The following DNAH6 variants were observed in gnomAD, a reference collection of about 807,000 sequenced individuals.
DNAH6 encodes dynein axonemal heavy chain 6, also known as axonemal beta dynein heavy chain 6.
A neutral mutation model predicts 491.4 loss-of-function variants in DNAH6; 340 were observed. The observed-to-expected ratio is 0.69, with a 90% CI of 0.63 to 0.76. The LOEUF (loss-of-function observed/expected upper bound fraction) is 0.76, where lower values mean the gene tolerates loss of function less well. Among genes scored for constraint, DNAH6 ranks in the 30% least tolerant of loss-of-function variants. DNAH6 has a pLI of 0.00. For synonymous variants in DNAH6, 1,603 were observed against 1,686.1 expected, an observed-to-expected ratio of 0.95 and a Z score of 1.21; for missense variants, 4,443 against 4,972.2, an observed-to-expected ratio of 0.89 and a Z score of 3.20.
intron 68 of DNAH6, among the ~76,000 whole-genome samples, chr2:84,792,037 C>T (rs865816663): frequency 6.6e-6 from 1 of 152,068 alleles, no homozygotes; most frequent in African/African-American, 2.4e-5. Context: ...CAATGGAATA[C>T]TATTTATCCT....
At chr2:84,730,764 C>T (rs934215718) in intron 61 of DNAH6, among the ~76,000 whole-genome samples, 3 of 152,182 alleles carry the variant, frequency 2.0e-5, no homozygotes, top group African/African-American at 7.2e-5. Context: ...TACATGAAAT[C>T]TATTTCCTGG....
intron 52 of DNAH6, 60 bp downstream of exon 52, chr2:84,705,807 A>AAGTTC: frequency 6.7e-7 from 1 of 1,489,586 alleles, no homozygotes; most frequent in Non-Finnish European, 9.0e-7. Flanking sequence ...CAGTCATTTC[A>AAGTTC]AGTTCTCTGT....
intron 70 of DNAH6, among the ~76,000 whole-genome samples, chr2:84,804,330 A>G (rs768901506): frequency 1.3e-5 from 2 of 152,114 alleles, no homozygotes; most frequent in Non-Finnish European, 2.9e-5. Context: ...CACTTAAATT[A>G]TCACAGTCAC....
chr2:84,743,505 G>GTC (rs771993458), intron 62 of DNAH6, among the ~76,000 whole-genome samples: 19 of 152,246 alleles, frequency 1.2e-4, no homozygotes, highest in Admixed American at 5.9e-4. Context: ...AGTGCTTCGT[G>GTC]TCCTATTGGG....
At chr2:84,483,415 T>C in the DNAH6 span, among the ~76,000 whole-genome samples, 40 of 152,308 alleles carry the variant, frequency 2.6e-4, no homozygotes, top group East Asian at 7.5e-3. Context: ...CCAGCCAATA[T>C]TGAGGATAAC....
chr2:84,642,133 T>C (rs572197979), intron 33 of DNAH6, 79 bp downstream of exon 33: 29 of 977,300 alleles, frequency 3.0e-5, no homozygotes, highest in Non-Finnish European at 4.1e-5. Flanking sequence ...ATTATTTCTT[T>C]CTCTAACAAG....
rs1284542390 is a variant in DNAH6 at position 84,676,915 on chromosome 2, A to C, written c.6613-90A>C. 4.2e-6 allele frequency: 6 copies of C among 1,435,136 alleles called. No individual in the cohort carries two copies. In the African/African-American group the frequency reaches 7.1e-5, roughly 17 times the overall value. The allele number at this position is 1,435,136 out of a possible 1,614,324, so 88.9% of individuals were successfully genotyped here. On this transcript the variant is annotated intron_variant, in intron 40 of 76. Coordinates refer to ENST00000389394, the MANE Select transcript of DNAH6 (RefSeq NM_001370.2). ...CATGCACAAAAAAAAATGTAATGCA[A>C]TGCTGGCATTTGGGAAGTCCTACCA...
At chr2:84,616,664 T>G (rs1488642995) in intron 22 of DNAH6, among the ~76,000 whole-genome samples, 1 of 152,124 alleles carries the variant, frequency 6.6e-6, no homozygotes, top group East Asian at 1.9e-4. Context: ...ACTGTCAGCT[T>G]TTGCTGATAA....
rs922296664 is a variant in DNAH6, at chr2:84,685,362, A to G, written c.6953A>G (p.Glu2318Gly). The part of the protein sequence containing the change: ...LQCDPGTIRE[E>G]IQIFRLFCHE... ...TGTGATCCAGGAACAATAAGAGAAG[A>G]AATTCAGATATTTAGACTCTTTTGC... Residue 2318 changes from glutamate (E) to glycine (G), a missense_variant, in exon 43 of 77, where the codon GAA (glutamate) becomes GGA (glycine). Transcript: ENST00000389394. 1 of 1,521,854 alleles carries G rather than the reference A, an allele frequency of 6.6e-7. No homozygotes were observed. The highest frequency in any genetic ancestry group is 8.9e-7 in the Non-Finnish European group (1 of 1,129,426). The allele number at this position is 1,521,854 out of a possible 1,614,324, so 94.3% of individuals were successfully genotyped here. A position where few individuals can be genotyped will look rare whatever the true frequency, so the allele number is the denominator to read the frequency against.
At chr2:84,708,165 C>G (rs968601926) in intron 54 of DNAH6, among the ~76,000 whole-genome samples, 1 of 151,920 alleles carries the variant, frequency 6.6e-6, no homozygotes, top group Non-Finnish European at 1.5e-5. Flanking sequence ...CAGCTGGGTG[C>G]GGTGGCTCAT....
intron 18 of DNAH6, among the ~76,000 whole-genome samples, chr2:84,599,622 A>G (rs542306777): frequency 2.6e-5 from 4 of 152,290 alleles, no homozygotes; most frequent in Admixed American, 2.0e-4. Context: ...TATCCTCCCC[A>G]GGCACTCTTC....
intron 26 of DNAH6, among the ~76,000 whole-genome samples, chr2:84,621,930 A>G (rs888357593): frequency 6.6e-6 from 1 of 152,182 alleles, no homozygotes; most frequent in Non-Finnish European, 1.5e-5. Flanking sequence ...TCTAGGCTCT[A>G]ATTCTATTTC....
At chr2:84,807,795 A>T (rs1439742298) in intron 71 of DNAH6, among the ~76,000 whole-genome samples, 1 of 152,008 alleles carries the variant, frequency 6.6e-6, no homozygotes, top group Admixed American at 6.6e-5. Context: ...CACATTGGAG[A>T]CCTTTCAAAC....
chr2:84,727,624 G>A (rs571334066), intron 60 of DNAH6, 45 bp from the exon 61 acceptor site: 1 of 1,256,242 alleles, frequency 8.0e-7, no homozygotes, highest in South Asian at 1.3e-5. Context: ...TCTCTGCAGA[G>A]AATGAATTAA....
At chr2:84,796,809 C>T (rs1266876972) in intron 69 of DNAH6, among the ~76,000 whole-genome samples, 1 of 151,934 alleles carries the variant, frequency 6.6e-6, no homozygotes, top group African/African-American at 2.4e-5. Flanking sequence ...CCAGCCTGGG[C>T]AACATAACAA....
chr2:84,768,030 T>A (rs947613605), intron 64 of DNAH6, among the ~76,000 whole-genome samples: 3 of 151,954 alleles, frequency 2.0e-5, no homozygotes, highest in Admixed American at 6.6e-5. Flanking sequence ...AAAAATAAAG[T>A]CAACATTAAG....
Position 84,588,844 on chromosome 2 carries a change from A to C in DNAH6, c.2500A>C (p.Ile834Leu). The change falls in exon 16 of 77, where the codon ATC becomes CTC. Residue 834 changes from isoleucine to leucine, a missense_variant. Physicochemically the swap from Ile to Leu is conservative, Grantham distance 5. Transcript: ENST00000389394. ...LQAQDPQILD[I>L]SADQDKIRLI... is the part of the protein sequence containing the mutation. ...TTTATAGGATCCACAGATTTTAGATATCTCTGCTGACCAAGACAAAATAAG... is the reference window on the plus strand; with the variant it reads ...TTTATAGGATCCACAGATTTTAGATCTCTCTGCTGACCAAGACAAAATAAG... 1 of 1,544,964 alleles carries C rather than the reference A, an allele frequency of 6.5e-7. No homozygotes were observed. The highest frequency in any genetic ancestry group is 8.7e-7 in the Non-Finnish European group (1 of 1,144,658).
In DNAH6 at chr2:84,579,624, C is replaced by T; in HGVS notation, c.2174C>T (p.Thr725Ile). 1.9e-6 allele frequency: 3 copies of T among 1,611,210 alleles called. No individual in the cohort carries two copies. Among genetic ancestry groups the T allele is most frequent in the African/African-American group, 1.3e-5 (1 of 74,888 alleles). Residue 725 changes from threonine to isoleucine, a missense_variant, in exon 14 of 77, where the codon ACT (threonine) becomes ATT (isoleucine). Around this residue, in one of 3 missense-constraint regions of DNAH6, gnomAD observed 2,977 missense variants for 3,296.6 expected, o/e 0.90. Coordinates refer to ENST00000389394, the MANE Select transcript of DNAH6 (RefSeq NM_001370.2). Reference sequence around the variant, plus strand: ...GAGTATAAACTTGAGTTTGTTCCAACTACTACCACAGAATATGTTCATAGC... The same window carrying T: ...GAGTATAAACTTGAGTTTGTTCCAATTACTACCACAGAATATGTTCATAGC... ...DAEYKLEFVPTTTTEYVHSLL... is the reference protein window; with the variant it reads ...DAEYKLEFVPITTTEYVHSLL...
At chr2:84,493,957 A>C in the DNAH6 span, among the ~76,000 whole-genome samples, 4 of 152,246 alleles carry the variant, frequency 2.6e-5, no homozygotes, top group Non-Finnish European at 5.9e-5. Flanking sequence ...ATGGTCAAGC[A>C]CGAGGAACTA....
Sources: allele counts gnomAD v4.1 joint callset (sites outside exome capture counted in the v4.1 genomes callset), GRCh38; gene constraint gnomAD v4.1.1; regional missense constraint gnomAD v4.1.1; transcripts MANE v1.5; gene names NCBI Gene and HGNC (gene_info 2026-07-23, HGNC 2026-07-21).